The following WDR49 variants were observed in gnomAD, a reference collection of about 807,000 sequenced individuals.
The protein encoded by WDR49 is WD repeat domain 49.
In WDR49, 107 loss-of-function variants were observed where a neutral mutation model predicts 119.5. That is an observed-to-expected ratio of 0.90 (90% confidence interval 0.77 to 1.05). The LOEUF is 1.05. Among genes scored for constraint, WDR49 ranks in the 50% least tolerant of loss-of-function variants. WDR49 has a pLI of 0.00. For missense variants in WDR49, 1,240 were observed against 1,220.5 expected, an observed-to-expected ratio of 1.02 and a Z score of -0.24; for synonymous variants, 425 against 418.8, an observed-to-expected ratio of 1.01 and a Z score of -0.18.
chr3:167,615,317 A>G (rs1716541835), intron 5 of WDR49, among the ~76,000 whole-genome samples: 1 of 151,880 alleles, frequency 6.6e-6, no homozygotes, highest in Non-Finnish European at 1.5e-5. Context: ...TGTGTTTTTT[A>G]TAGAGACAGG....
At chr3:167,480,562 G>T (rs994473343) in intron 18 of WDR49, among the ~76,000 whole-genome samples, 9 of 152,116 alleles carry the variant, frequency 5.9e-5, no homozygotes, top group African/African-American at 1.9e-4. Flanking sequence ...CAAAAGTCAA[G>T]ATCTTTCCTC....
intron 18 of WDR49, among the ~76,000 whole-genome samples, chr3:167,483,027 G>A (rs1440318402): frequency 1.3e-5 from 2 of 152,050 alleles, no homozygotes; most frequent in African/African-American, 2.4e-5. Context: ...GTAGAAGGGG[G>A]GTAGGAGAAG....
At chr3:167,623,041 G>C (rs1577284558) in intron 3 of WDR49, among the ~76,000 whole-genome samples, 3 of 151,982 alleles carry the variant, frequency 2.0e-5, no homozygotes, top group Admixed American at 2.0e-4. Flanking sequence ...TAAATTAATA[G>C]TCAAAAAAAG....
intron 5 of WDR49, among the ~76,000 whole-genome samples, chr3:167,608,936 G>C (rs189578769): frequency 6.6e-6 from 1 of 152,220 alleles, no homozygotes; most frequent in African/African-American, 2.4e-5. Flanking sequence ...AAGACATTAA[G>C]GGACCCTGCC....
intron 10 of WDR49, among the ~76,000 whole-genome samples, chr3:167,541,697 C>T (rs561827969): frequency 5.0e-4 from 76 of 152,184 alleles, no homozygotes; most frequent in African/African-American, 1.6e-3. Flanking sequence ...CAGTACCTCA[C>T]GTCTCAATAC....
upstream of WDR49, among the ~76,000 whole-genome samples, chr3:167,655,701 C>T (rs2108352149): frequency 6.6e-6 from 1 of 152,200 alleles, no homozygotes; most frequent in African/African-American, 2.4e-5. Flanking sequence ...AGTTCAAGAC[C>T]AGCCTGGCCA....
chr3:167,494,763 G>C (rs1751283674), intron 18 of WDR49, among the ~76,000 whole-genome samples: 1 of 152,176 alleles, frequency 6.6e-6, no homozygotes. Context: ...CACAGCTTTG[G>C]CCAGTCTTTC....
At chr3:167,591,567 A>G (rs1715107491) in intron 7 of WDR49, among the ~76,000 whole-genome samples, 1 of 152,148 alleles carries the variant, frequency 6.6e-6, no homozygotes, top group African/African-American at 2.4e-5. Flanking sequence ...AATTTGCTTT[A>G]TATATCTGGG....
chr3:167,631,120 G>C (rs1041272758), intron 2 of WDR49, among the ~76,000 whole-genome samples: 3 of 151,924 alleles, frequency 2.0e-5, no homozygotes, highest in African/African-American at 4.8e-5. Flanking sequence ...CTGTCAGGGG[G>C]TGGGGAGCTG....
intron 5 of WDR49, among the ~76,000 whole-genome samples, chr3:167,617,886 T>C (rs1411880597): frequency 6.6e-6 from 1 of 152,184 alleles, no homozygotes; most frequent in African/African-American, 2.4e-5. Context: ...AGTTTCTTTC[T>C]CCTCTAACCC....
At chr3:167,552,964 C>A (rs1577235366) in intron 10 of WDR49, among the ~76,000 whole-genome samples, 1 of 152,026 alleles carries the variant, frequency 6.6e-6, no homozygotes, top group East Asian at 1.9e-4. Context: ...AGACGACTGT[C>A]AATCTTCCAG....
intron 18 of WDR49, among the ~76,000 whole-genome samples, chr3:167,487,367 CA>C (rs1750966329): frequency 6.6e-6 from 1 of 152,022 alleles, no homozygotes; most frequent in Admixed American, 6.6e-5. Flanking sequence ...TCAACATATA[CA>C]AAAATTAACT....
intron 18 of WDR49, among the ~76,000 whole-genome samples, chr3:167,496,328 C>T (rs1751352266): frequency 6.6e-6 from 1 of 152,114 alleles, no homozygotes; most frequent in Non-Finnish European, 1.5e-5. Flanking sequence ...ACCTACCTGT[C>T]TAGCCTCATT....
At chr3:167,636,300 C>T (rs2108335503) in intron 2 of WDR49, among the ~76,000 whole-genome samples, 1 of 145,584 alleles carries the variant, frequency 6.9e-6, no homozygotes, top group East Asian at 2.0e-4. Flanking sequence ...TAATTCATTC[C>T]TTTTTATGGC....
intron 18 of WDR49, among the ~76,000 whole-genome samples, chr3:167,482,341 T>C (rs1283257378): frequency 1.3e-5 from 2 of 152,028 alleles, no homozygotes; most frequent in Non-Finnish European, 2.9e-5. Flanking sequence ...TTAGGGATTA[T>C]TGTTCCCAAG....
chr3:167,631,096 T>C lies in WDR49; in HGVS notation c.166-3804A>G, dbSNP rs564619266. 1.2e-4 allele frequency among the ~76,000 whole-genome samples: 18 copies of C among 150,486 alleles called. No homozygotes were observed. In the South Asian group the frequency reaches 3.6e-3, roughly 30 times the overall value. ...TCACTTGGACACAGGGTGGGGAACATCACACACCGGGGCCTGTCAGGGGGT... is the reference window on the plus strand; with the variant it reads ...TCACTTGGACACAGGGTGGGGAACACCACACACCGGGGCCTGTCAGGGGGT... On this transcript the variant is annotated intron_variant, in intron 2 of 18. Transcript: ENST00000682715.
At chr3:167,571,358 GGTTAGAA>G (rs1392345229) in intron 8 of WDR49, among the ~76,000 whole-genome samples, 2 of 152,068 alleles carry the variant, frequency 1.3e-5, no homozygotes, top group Non-Finnish European at 2.9e-5. Context: ...ATATATTAGA[GGTTAGAA>G]GCAGGATAAA....
intron 11 of WDR49, among the ~76,000 whole-genome samples, chr3:167,535,302 C>G (rs1240922136): frequency 1.3e-5 from 2 of 152,096 alleles, no homozygotes. Flanking sequence ...AGCAAAGAGA[C>G]AACCTACAAA....
At chr3:167,654,894 G>C (rs1178222830), upstream of WDR49, among the ~76,000 whole-genome samples, 1 of 150,204 alleles carries the variant, frequency 6.7e-6, no homozygotes, top group Non-Finnish European at 1.5e-5. Context: ...ATGAGACCCT[G>C]TCTCAAAAAA....
Sources: allele counts gnomAD v4.1 joint callset (sites outside exome capture counted in the v4.1 genomes callset), GRCh38; gene constraint gnomAD v4.1.1; transcripts MANE v1.5; gene names NCBI Gene and HGNC (gene_info 2026-07-23, HGNC 2026-07-21).